SLIT2: variants seen among roughly 807,000 people sequenced by gnomAD.
SLIT2 encodes the protein slit homolog 2 protein.
SLIT2 carries 41 observed loss-of-function variants against 185.7 expected under a neutral mutation model. The observed-to-expected ratio is 0.22, with a 90% CI of 0.17 to 0.29. The LOEUF (loss-of-function observed/expected upper bound fraction) is 0.29. Ranked by LOEUF, SLIT2 falls within the 10% of genes least tolerant of loss-of-function variation. The pLI is 1.00. For synonymous variants in SLIT2, 693 were observed against 680.2 expected, an observed-to-expected ratio of 1.02 and a Z score of -0.29; for missense variants, 1,571 against 1,909.0, an observed-to-expected ratio of 0.82 and a Z score of 3.30.
chr4:20,531,010 A>G (rs763839787), intron 16 of SLIT2, among the ~76,000 whole-genome samples: 9 of 152,072 alleles, frequency 5.9e-5, no homozygotes, highest in Non-Finnish European at 7.4e-5. Context: ...TAGTGGAAGA[A>G]ATTGAAACCC....
intron 29 of SLIT2, among the ~76,000 whole-genome samples, chr4:20,571,690 C>G (rs1470521111): frequency 6.6e-6 from 1 of 152,096 alleles, no homozygotes; most frequent in Non-Finnish European, 1.5e-5. Flanking sequence ...GGAGCAGAAG[C>G]CCTGCTATGC....
Position 20,617,703 on chromosome 4 carries a change from C to T in SLIT2, c.4348+53C>T. On this transcript the variant is annotated intron_variant, in intron 36 of 36. Coordinates refer to ENST00000504154, the MANE Select transcript of SLIT2 (RefSeq NM_004787.4). ...TCTCTTGGCAAAGCAAGAGGGGTCCCATGTCTTTGAAAAGAGAGGGAGAAA... is the reference window on the plus strand; with the variant it reads ...TCTCTTGGCAAAGCAAGAGGGGTCCTATGTCTTTGAAAAGAGAGGGAGAAA... The T allele has an allele frequency of 2.1e-6, 2 of 966,670 alleles. 1 individual carries two copies. Among genetic ancestry groups the T allele is most frequent in the Non-Finnish European group, 3.1e-6 (2 of 644,760 alleles). 59.9% of individuals were successfully genotyped at this position (966,670 alleles called of 1,614,324 possible). A position where few individuals can be genotyped will look rare whatever the true frequency, so the allele number is the denominator to read the frequency against.
intron 4 of SLIT2, among the ~76,000 whole-genome samples, chr4:20,379,032 A>C (rs1372340793): frequency 6.6e-6 from 1 of 152,140 alleles, no homozygotes. Context: ...CAGAGTACAG[A>C]GGGGTTTTAG....
At chr4:20,608,247 A>G (rs1728940836) in intron 33 of SLIT2, among the ~76,000 whole-genome samples, 1 of 152,128 alleles carries the variant, frequency 6.6e-6, no homozygotes, top group South Asian at 2.1e-4. Flanking sequence ...AGAAAACTGA[A>G]ATATATTAGT....
intron 4 of SLIT2, among the ~76,000 whole-genome samples, chr4:20,389,154 C>A (rs917150956): frequency 2.0e-5 from 3 of 151,024 alleles, no homozygotes; most frequent in African/African-American, 7.3e-5. Flanking sequence ...CAAATGAGAT[C>A]ATTTCTTTCA....
intron 25 of SLIT2, among the ~76,000 whole-genome samples, chr4:20,553,521 G>A (rs1017691701): frequency 2.0e-5 from 3 of 152,278 alleles, no homozygotes; most frequent in Non-Finnish European, 2.9e-5. Flanking sequence ...ATATAAACAC[G>A]TCTCTGAAAA....
intron 17 of SLIT2, 79 bp from the exon 18 acceptor site, chr4:20,533,493 A>G (rs1721984870): frequency 1.8e-6 from 2 of 1,120,388 alleles, no homozygotes; most frequent in Admixed American, 2.1e-5. Flanking sequence ...GGATCATTAG[A>G]AGAAAATTAT....
rs185321485 is a variant in SLIT2 at position 20,270,251 on chromosome 4, A to G, written c.395+1370A>G. 1.8e-3 allele frequency among the ~76,000 whole-genome samples: 279 copies of G among 152,038 alleles called. 1 individual carries two copies. The Middle Eastern group carries it at 0.024, about 13-fold the overall frequency. ...GGGCCATAGAATTGGTTTTGATAGTATTTCACTTTCACCTTTAGTTATTGG... is the reference window on the plus strand; with the variant it reads ...GGGCCATAGAATTGGTTTTGATAGTGTTTCACTTTCACCTTTAGTTATTGG... On this transcript the variant is annotated intron_variant, in intron 4 of 36. Coordinates refer to ENST00000504154, the MANE Select transcript of SLIT2 (RefSeq NM_004787.4).
At chr4:20,420,246 C>T (rs1728069459) in intron 4 of SLIT2, among the ~76,000 whole-genome samples, 2 of 152,154 alleles carry the variant, frequency 1.3e-5, no homozygotes, top group African/African-American at 4.8e-5. Context: ...ACTGTGAGTA[C>T]ATGACTGACC....
At chr4:20,387,064 TGA>T (rs886722791) in intron 4 of SLIT2, among the ~76,000 whole-genome samples, 2 of 152,174 alleles carry the variant, frequency 1.3e-5, no homozygotes, top group African/African-American at 4.8e-5. Context: ...CGGAATTACC[TGA>T]CCGCCTTCTG....
intron 12 of SLIT2, 133 bp from the exon 13 acceptor site, chr4:20,523,627 A>G (rs1229951892): frequency 1.4e-6 from 1 of 698,636 alleles, no homozygotes; most frequent in African/African-American, 1.8e-5. Flanking sequence ...TTCCTAAATT[A>G]TTAAAGTTAA....
At chr4:20,357,682 C>A (rs1043516284) in intron 4 of SLIT2, among the ~76,000 whole-genome samples, 2 of 152,050 alleles carry the variant, frequency 1.3e-5, no homozygotes, top group East Asian at 3.9e-4. Flanking sequence ...AAGACAAAAT[C>A]CGTGATGTTT....
intron 4 of SLIT2, among the ~76,000 whole-genome samples, chr4:20,287,722 C>G (rs942256638): frequency 6.6e-6 from 1 of 152,126 alleles, no homozygotes; most frequent in African/African-American, 2.4e-5. Flanking sequence ...GAGTATATCC[C>G]TATCTCTCTC....
chr4:20,284,174 C>T (rs146607204), intron 4 of SLIT2, among the ~76,000 whole-genome samples: 1 of 152,246 alleles, frequency 6.6e-6, no homozygotes, highest in Admixed American at 6.5e-5. Flanking sequence ...GAATGGGGCC[C>T]CTTTCCTTGT....
At chr4:20,574,581 G>GT (rs1224775683) in intron 29 of SLIT2, among the ~76,000 whole-genome samples, 1 of 152,076 alleles carries the variant, frequency 6.6e-6, no homozygotes, top group African/African-American at 2.4e-5. Context: ...GAGCCCAGGA[G>GT]TTTGAGACCA....
At chr4:20,558,357 C>T (rs1338278735) in intron 26 of SLIT2, among the ~76,000 whole-genome samples, 2 of 152,010 alleles carry the variant, frequency 1.3e-5, no homozygotes, top group African/African-American at 2.4e-5. Context: ...ATCAGTCTCA[C>T]CAGCCACTAA....
At chr4:20,346,194 C>T (rs1402287039) in intron 4 of SLIT2, among the ~76,000 whole-genome samples, 1 of 152,126 alleles carries the variant, frequency 6.6e-6, no homozygotes, top group East Asian at 1.9e-4. Context: ...GGGAGCCTCC[C>T]TCTCTTGTCC....
chr4:20,616,213 A>T (rs1729636578), intron 34 of SLIT2: 1 of 152,208 alleles, frequency 6.6e-6, no homozygotes. Context: ...TTAGGCATTG[A>T]CATCATTGAC....
intron 4 of SLIT2, among the ~76,000 whole-genome samples, chr4:20,361,016 A>G (rs570075790): frequency 6.6e-6 from 1 of 152,330 alleles, no homozygotes; most frequent in South Asian, 2.1e-4. Flanking sequence ...AACGCTAATC[A>G]GAGCTGATTA....
Sources: gnomAD v4.1 joint callset for allele counts (sites outside exome capture counted in the v4.1 genomes callset) on GRCh38, gnomAD v4.1.1 for gene constraint, MANE v1.5 for transcripts, NCBI Gene and HGNC (gene_info 2026-07-23, HGNC 2026-07-21) for gene names.